Variants in ITGAX observed in about 807,000 individuals in gnomAD.
The protein encoded by ITGAX is integrin subunit alpha X.
ITGAX carries 99 observed loss-of-function variants against 140.2 expected under a neutral mutation model. That is an observed-to-expected ratio of 0.71 (90% CI 0.60 to 0.83). The LOEUF is 0.83. ITGAX is among the 40% of genes least tolerant of loss of function. The pLI, the probability that ITGAX is intolerant of heterozygous loss-of-function variation, is 0.00. For missense variants in ITGAX, 1,444 were observed against 1,482.0 expected (o/e 0.97, Z 0.42); for synonymous variants, 631 against 600.4 (o/e 1.05, Z -0.75).
In ITGAX at chr16:31,359,903, C is replaced by A. The variant is rs757155175; in HGVS notation, c.562-17C>A. The A allele has an allele frequency of 6.2e-7, 1 of 1,614,124 alleles. No homozygotes were observed. The highest frequency in any genetic ancestry group is 1.1e-5 in the South Asian group (1 of 91,090). On this transcript the variant is annotated splice_polypyrimidine_tract_variant and intron_variant, in intron 6 of 29. Coordinates refer to ENST00000268296, the MANE Select transcript of ITGAX (RefSeq NM_000887.5). ...TGGTGAAATGGCCTCAGCCCCAGCC[C>A]TGTGTGCTTCTCCCAGTTTTCCCTG...
chr16:31,357,032 GC>G lies in ITGAX; in HGVS notation c.254del (p.Pro85ArgfsTer4). ...GACEPIGLQV[P>X]PEAVNMSLGL... The stretch of plus-strand genomic sequence containing the variant: ...CCATGCACATATCTGTCCCCACAGT[GC>G]CCCCGGAGGCCGTGAACATGTCCCT... On this transcript the variant is annotated frameshift_variant and splice_region_variant, in exon 4 of 30. Transcript: ENST00000268296. LOFTEE classifies it high-confidence loss of function. 2 of 1,608,014 alleles carry G rather than the reference GC, an allele frequency of 1.2e-6. No individual in the cohort carries two copies.
At chr16:31,362,408 C>T (rs1236902727) in intron 11 of ITGAX, among the ~76,000 whole-genome samples, 1 of 137,608 alleles carries the variant, frequency 7.3e-6, no homozygotes, top group East Asian at 2.2e-4. Flanking sequence ...GGGTGGGGGT[C>T]CAGGGTTCTG....
At position 31,377,264 on chromosome 16, in the gene ITGAX, A is replaced by C. The variant is rs2142527203; in HGVS notation, c.2788A>C (p.Ser930Arg). 1 of 1,611,504 alleles carries C rather than the reference A, an allele frequency of 6.2e-7. No homozygotes were observed. Among genetic ancestry groups the C allele is most frequent in the Non-Finnish European group, 8.5e-7 (1 of 1,178,984 alleles). Residue 930 changes from serine to arginine, a missense_variant and splice_region_variant, in exon 23 of 30, where the codon AGC (serine) becomes CGC (arginine). By Grantham distance (110) the Ser-to-Arg change is moderately radical. Coordinates refer to ENST00000268296, the MANE Select transcript of ITGAX (RefSeq NM_000887.5). The part of the protein sequence containing the change: ...VKYAVYTVVS[S>R]HEQFTKYLNF... ...GTATGCTGTCTACACTGTGGTTAGC[A>C]GGTCAGCAGGTACCCCACTGCAGGA...
intron 9 of ITGAX, chr16:31,361,627 C>G (rs1440391581): frequency 2.7e-6 from 2 of 729,182 alleles, no homozygotes; most frequent in Non-Finnish European, 4.9e-6. Context: ...TGATGAGGAC[C>G]AGATCGGTGC....
At chr16:31,380,488 G>C in intron 27 of ITGAX, 35 bp from the exon 28 acceptor site, 1 of 1,614,000 alleles carries the variant, frequency 6.2e-7, no homozygotes, top group African/African-American at 1.3e-5. Flanking sequence ...CTCCCCCAGA[G>C]CCAGTTCAAC....
intron 5 of ITGAX, chr16:31,357,909 G>A (rs542424119): frequency 4.0e-5 from 8 of 197,758 alleles, no homozygotes; most frequent in Non-Finnish European, 6.1e-5. Context: ...GTGTGTGTGC[G>A]TGTGCACATG....
chr16:31,381,138 C>T, intron 29 of ITGAX, 131 bp downstream of exon 29: 1 of 630,552 alleles, frequency 1.6e-6, no homozygotes. Context: ...CTGCTTCCCA[C>T]CTGCAATGTC....
intron 8 of ITGAX, 35 bp downstream of exon 8, chr16:31,360,498 G>T (rs1365971963): frequency 7.6e-6 from 12 of 1,570,258 alleles, no homozygotes; most frequent in Non-Finnish European, 1.0e-5. Context: ...TTCTCCCACG[G>T]CTTCCTCTCA....
intron 8 of ITGAX, chr16:31,360,707 G>A: frequency 1.9e-6 from 1 of 531,224 alleles, no homozygotes; most frequent in Middle Eastern, 4.9e-4. Context: ...GTTGAGATGG[G>A]GTCTTGCTAT....
At chr16:31,370,537 A>C (rs1215657299) in intron 14 of ITGAX, among the ~76,000 whole-genome samples, 1 of 152,168 alleles carries the variant, frequency 6.6e-6, no homozygotes, top group Admixed American at 6.5e-5. Flanking sequence ...TCAGCCTCTT[A>C]AAGGCTACCT....
intron 20 of ITGAX, 99 bp from the exon 21 acceptor site, chr16:31,376,700 C>A: frequency 9.2e-7 from 1 of 1,087,046 alleles, no homozygotes; most frequent in Non-Finnish European, 1.4e-6. Flanking sequence ...CGTGGCGTGT[C>A]TTTGGAATGC....
intron 22 of ITGAX, 47 bp downstream of exon 22, chr16:31,377,126 C>T (rs754720016): frequency 6.2e-7 from 1 of 1,610,740 alleles, no homozygotes; most frequent in East Asian, 2.2e-5. Flanking sequence ...TCCAGCCTCA[C>T]ACCCCATTCT....
chr16:31,380,323 C>T lies in ITGAX; in HGVS notation c.3118C>T (p.Gln1040Ter), dbSNP rs1365530470. The T allele has an allele frequency of 6.2e-7, 1 of 1,614,118 alleles. No individual in the cohort carries two copies. Among genetic ancestry groups the T allele is most frequent in the East Asian group, 2.2e-5 (1 of 44,896 alleles). Residue 1040 changes from glutamine to a stop codon, truncating the protein, a stop_gained, in exon 27 of 30, where the codon CAG becomes TAG. Transcript: ENST00000268296. LOFTEE classifies it high-confidence loss of function. ...FRCDVPSFSV[Q>*]EELDFTLKGN... The stretch of plus-strand genomic sequence containing the variant: ...CTGTGACGTCCCCTCCTTCAGCGTC[C>T]AGGAGGAGCTGGATTTCACCCTGAA...
intron 23 of ITGAX, 114 bp from the exon 24 acceptor site, chr16:31,379,454 C>A: frequency 9.9e-7 from 1 of 1,009,622 alleles, no homozygotes; most frequent in Non-Finnish European, 1.5e-6. Context: ...CCACAGCCCT[C>A]ATTCCAGGAC....
intron 3 of ITGAX, 102 bp from the exon 4 acceptor site, chr16:31,356,929 G>A (rs1057339544): frequency 4.6e-6 from 5 of 1,086,402 alleles, no homozygotes; most frequent in Admixed American, 2.3e-5. Flanking sequence ...TTCCTTCACC[G>A]TCAGACCTCC....
At chr16:31,357,442 GC>G in intron 5 of ITGAX, 78 bp downstream of exon 5, 2 of 895,478 alleles carry the variant, frequency 2.2e-6, no homozygotes, top group Non-Finnish European at 3.5e-6. Flanking sequence ...AGACAGTCTT[GC>G]CAGAGTGGAT....
chr16:31,371,458 C>T lies in ITGAX; in HGVS notation c.1966C>T (p.Leu656Phe). Residue 656 changes from leucine to phenylalanine, a missense_variant, in exon 16 of 30, where the codon CTT (leucine) becomes TTT (phenylalanine). Coordinates refer to ENST00000268296, the MANE Select transcript of ITGAX (RefSeq NM_000887.5). ...GACCCTGGTACAGTCCAACATCTGCCTTTACATTGACAAACGTTCTAAGAA... is the reference window on the plus strand; with the variant it reads ...GACCCTGGTACAGTCCAACATCTGCTTTTACATTGACAAACGTTCTAAGAA... ...EQTLVQSNIC[L>F]YIDKRSKNLL... 6.2e-7 allele frequency: 1 copy of T among 1,614,170 alleles called. No homozygotes were observed. Among genetic ancestry groups the T allele is most frequent in the South Asian group, 1.1e-5 (1 of 91,090 alleles).
At chr16:31,376,957 C>T (rs754016045) in intron 21 of ITGAX, 42 bp downstream of exon 21, 14 of 1,613,514 alleles carry the variant, frequency 8.7e-6, no homozygotes, top group Middle Eastern at 3.3e-4. Context: ...CCTGCCCCAC[C>T]CTGTCTTTAC....
intron 9 of ITGAX, 121 bp downstream of exon 9, chr16:31,361,334 C>T: frequency 1.8e-6 from 2 of 1,123,154 alleles, no homozygotes; most frequent in Admixed American, 2.3e-5. Flanking sequence ...TCCCGGGACC[C>T]CGATAGCCAT....
Sources: gnomAD v4.1 joint callset for allele counts (sites outside exome capture counted in the v4.1 genomes callset) on GRCh38, gnomAD v4.1.1 for gene constraint, MANE v1.5 for transcripts, NCBI Gene and HGNC (gene_info 2026-07-23, HGNC 2026-07-21) for gene names.